Variants in USP18 observed in about 807,000 individuals in gnomAD.
USP18 encodes the protein ubiquitin specific peptidase 18, also known as ubl carboxyl-terminal hydrolase 18.
A neutral mutation model predicts 48.7 loss-of-function variants in USP18; 11 were observed. The observed-to-expected ratio is 0.23, with a 90% CI of 0.14 to 0.37. USP18 has a LOEUF of 0.37. Ranked by LOEUF, USP18 falls within the 10% of genes least tolerant of loss-of-function variation. The probability of loss-of-function intolerance (pLI) is 1.00; values close to 1 mark genes in which losing one functional copy is unlikely to be tolerated. For synonymous variants in USP18, 114 were observed against 163.2 expected (o/e 0.70, Z 2.30); for missense variants, 285 against 436.4 (o/e 0.65, Z 3.09).
intron 4 of USP18, 66 bp from the exon 5 acceptor site, chr22:18,167,189 G>A (rs1426577188): frequency 3.8e-6 from 6 of 1,588,012 alleles, no homozygotes; most frequent in Non-Finnish European, 5.2e-6. Flanking sequence ...GTGTGTCTAA[G>A]TACCAGGGCA....
At chr22:18,171,457 C>T (rs1363992756) in intron 8 of USP18, among the ~76,000 whole-genome samples, 1 of 142,170 alleles carries the variant, frequency 7.0e-6, no homozygotes, top group Non-Finnish European at 1.5e-5. Context: ...TAATGAGACC[C>T]CCGTCTCTCA....
At chr22:18,171,649 A>T (rs959621931) in intron 8 of USP18, among the ~76,000 whole-genome samples, 19 of 152,070 alleles carry the variant, frequency 1.2e-4, no homozygotes, top group African/African-American at 4.3e-4. Context: ...AAACAAGAAA[A>T]ACTAAAAAAA....
At chr22:18,150,475 TA>T (rs1928965453) in intron 1 of USP18, among the ~76,000 whole-genome samples, 1 of 152,164 alleles carries the variant, frequency 6.6e-6, no homozygotes, top group African/African-American at 2.4e-5. Context: ...TGTAAGCTTG[TA>T]AAAAAATTCA....
At chr22:18,169,648 C>T (rs1010780884) in intron 6 of USP18, among the ~76,000 whole-genome samples, 196 bp from the exon 7 acceptor site, 1 of 152,192 alleles carries the variant, frequency 6.6e-6, no homozygotes, top group African/African-American at 2.4e-5. Flanking sequence ...TGATTGGGAG[C>T]TTCCTGCGGC....
chr22:18,160,478 A>AT (rs1355674079), intron 3 of USP18, among the ~76,000 whole-genome samples: 1 of 149,940 alleles, frequency 6.7e-6, no homozygotes, highest in Non-Finnish European at 1.5e-5. Flanking sequence ...TTTTTTTTGT[A>AT]TTTTTAGTAG....
chr22:18,175,114 C>T (rs1234297183), intron 10 of USP18, among the ~76,000 whole-genome samples: 5 of 152,096 alleles, frequency 3.3e-5, no homozygotes, highest in Admixed American at 6.6e-5. Context: ...GGGGTTTCAC[C>T]GTGTTAGCCA....
intron 6 of USP18, among the ~76,000 whole-genome samples, chr22:18,168,699 A>G (rs1194990371): frequency 6.6e-6 from 1 of 152,040 alleles, no homozygotes; most frequent in East Asian, 1.9e-4. Context: ...ATTATCTCTC[A>G]AAGTCCCCAC....
At chr22:18,164,016 C>G (rs937157796) in intron 4 of USP18, among the ~76,000 whole-genome samples, 1 of 152,252 alleles carries the variant, frequency 6.6e-6, no homozygotes, top group African/African-American at 2.4e-5. Context: ...AGTGCCTGCA[C>G]TCATATTGAA....
Position 18,151,552 on chromosome 22 carries a change from T to C in USP18, c.-107+1330T>C, listed in dbSNP as rs531330629. On this transcript the variant is annotated intron_variant, in intron 1 of 10. Transcript: ENST00000215794. ...TGCTTTTGGACTGTTAAAAAATGTG[T>C]TGCACAGTTCTGACACTTTTACACA... 1.8e-4 allele frequency among the ~76,000 whole-genome samples: 27 copies of C among 152,284 alleles called. No homozygotes were observed. In the East Asian group the frequency reaches 4.8e-3, roughly 27 times the overall value.
intron 6 of USP18, among the ~76,000 whole-genome samples, chr22:18,169,531 G>A (rs972633172): frequency 2.9e-4 from 44 of 152,280 alleles, no homozygotes; most frequent in Middle Eastern, 3.4e-3. Flanking sequence ...AACTGAGATC[G>A]CGCCCCTGCA....
At chr22:18,163,463 G>GA (rs1929383696) in intron 4 of USP18, among the ~76,000 whole-genome samples, 1 of 152,024 alleles carries the variant, frequency 6.6e-6, no homozygotes, top group Non-Finnish European at 1.5e-5. Flanking sequence ...CTAACACGGT[G>GA]AAACCCTGTC....
At position 18,173,185 on chromosome 22, in the gene USP18, G is replaced by A. The variant is rs777782239; in HGVS notation, c.927G>A (p.Ala309=). 2.2e-5 allele frequency: 35 copies of A among 1,609,450 alleles called. No homozygotes were observed. The highest frequency in any genetic ancestry group is 4.0e-5 in the African/African-American group (3 of 74,452). Residue 309 remains alanine (A), a synonymous_variant, in exon 9 of 11, where the codon GCG becomes GCA. Transcript: ENST00000215794. ...AGTATGAGCTTTTTGCTGTGATTGC[G>A]CACGTGGGAATGGCAGACTCCGGTC... ...GGQYELFAVI[A]HVGMADSGHY...
chr22:18,154,902 G>A (rs950498614), intron 1 of USP18, among the ~76,000 whole-genome samples: 5 of 152,182 alleles, frequency 3.3e-5, no homozygotes, highest in African/African-American at 9.7e-5. Flanking sequence ...GTTTGGGCTC[G>A]TCTTTCATCA....
chr22:18,150,694 G>A (rs1928973124), intron 1 of USP18, among the ~76,000 whole-genome samples: 1 of 152,186 alleles, frequency 6.6e-6, no homozygotes, highest in African/African-American at 2.4e-5. Context: ...GGCCGGGTAC[G>A]GTGGCTCACG....
At chr22:18,164,706 C>T (rs1237218311) in intron 4 of USP18, among the ~76,000 whole-genome samples, 1 of 152,208 alleles carries the variant, frequency 6.6e-6, no homozygotes, top group African/African-American at 2.4e-5. Flanking sequence ...AGCACAGCTG[C>T]TGGAAGTGCT....
In USP18 at chr22:18,168,356, A is replaced by G. The variant is rs61272416; in HGVS notation, c.627+320A>G. 6.3e-3 allele frequency among the ~76,000 whole-genome samples: 956 copies of G among 152,068 alleles called. 10 individuals carry two copies. Among genetic ancestry groups the G allele is most frequent in the African/African-American group, 0.022 (920 of 41,450 alleles). The stretch of plus-strand genomic sequence containing the variant: ...AACCCATTAATCCATGAGTGGATTA[A>G]TTCATTTATGAGGGCTGTGCCCTCA... On this transcript the variant is annotated intron_variant, in intron 6 of 10. Coordinates refer to ENST00000215794, the MANE Select transcript of USP18 (RefSeq NM_017414.4).
At chr22:18,168,061 C>A (rs1173807533) in intron 6 of USP18, 25 bp downstream of exon 6, 1 of 1,613,056 alleles carries the variant, frequency 6.2e-7, no homozygotes, top group African/African-American at 1.3e-5. Context: ...TTGGTATTTG[C>A]TGCCCCTGTA....
chr22:18,156,584 C>T (rs1013285027), intron 1 of USP18, among the ~76,000 whole-genome samples: 5 of 152,142 alleles, frequency 3.3e-5, no homozygotes, highest in Non-Finnish European at 5.9e-5. Flanking sequence ...CCGTGAAGGT[C>T]CGCAGCTTCG....
chr22:18,159,058 T>G (rs574225353), intron 2 of USP18, among the ~76,000 whole-genome samples: 160 of 151,950 alleles, frequency 1.1e-3, no homozygotes, highest in African/African-American at 2.6e-3. Flanking sequence ...ATCGAACTTT[T>G]TGTGTGTGTG....
Sources: gnomAD v4.1 joint callset for allele counts (sites outside exome capture counted in the v4.1 genomes callset) on GRCh38, gnomAD v4.1.1 for gene constraint, MANE v1.5 for transcripts, NCBI Gene and HGNC (gene_info 2026-07-23, HGNC 2026-07-21) for gene names.